The following PCDHA4 variants were observed in gnomAD, a reference collection of about 807,000 sequenced individuals.
PCDHA4 encodes protocadherin alpha 4.
PCDHA4 carries 49 observed loss-of-function variants against 61.4 expected under a neutral mutation model. The ratio of observed to expected loss-of-function variants is 0.80; its 90% CI spans 0.63 to 1.01. The LOEUF is 1.01. Among genes scored for constraint, PCDHA4 ranks in the 50% least tolerant of loss-of-function variants. PCDHA4 has a pLI of 0.00. For missense variants in PCDHA4, 1,254 were observed against 1,235.8 expected, an observed-to-expected ratio of 1.01 and a Z score of -0.22; for synonymous variants, 590 against 550.3, an observed-to-expected ratio of 1.07 and a Z score of -1.01.
chr5:140,924,704 G>A (rs6883852), intron 1 of PCDHA4, among the ~76,000 whole-genome samples: 1 of 152,052 alleles, frequency 6.6e-6, no homozygotes, highest in Non-Finnish European at 1.5e-5. Flanking sequence ...AGACCAGCTT[G>A]TGCAACATGG....
chr5:140,869,522 T>A, intron 1 of PCDHA4: 1 of 1,614,172 alleles, frequency 6.2e-7, no homozygotes, highest in Non-Finnish European at 8.5e-7. Context: ...GAACAAAAGC[T>A]GCTGATTGCG....
intron 1 of PCDHA4, among the ~76,000 whole-genome samples, chr5:140,960,004 A>C (rs2095521827): frequency 6.6e-6 from 1 of 152,216 alleles, no homozygotes; most frequent in Non-Finnish European, 1.5e-5. Context: ...ATACAAATCT[A>C]TTTTGCATCA....
At chr5:140,998,881 T>C (rs892142070) in intron 3 of PCDHA4, among the ~76,000 whole-genome samples, 13 of 152,224 alleles carry the variant, frequency 8.5e-5, no homozygotes, top group Admixed American at 2.6e-4. Flanking sequence ...ATAAGTTTAG[T>C]TGAATAAATA....
chr5:140,836,758 G>A (rs2150269396), intron 1 of PCDHA4: 3 of 1,572,392 alleles, frequency 1.9e-6, no homozygotes, highest in African/African-American at 2.7e-5. Context: ...AAATAATCTT[G>A]TTTCCAACAA....
intron 1 of PCDHA4, chr5:140,835,523 A>C: frequency 6.2e-7 from 1 of 1,613,916 alleles, no homozygotes; most frequent in Non-Finnish European, 8.5e-7. Context: ...GAGATTTTGG[A>C]GTCAACGGAC....
chr5:140,841,405 C>T (rs2150314710), intron 1 of PCDHA4: 41 of 1,612,992 alleles, frequency 2.5e-5, no homozygotes, highest in Non-Finnish European at 3.4e-5. Flanking sequence ...AGGTGGGGAG[C>T]GGCCAGCTCC....
chr5:140,877,112 G>T (rs782384853), intron 1 of PCDHA4: 18 of 1,613,552 alleles, frequency 1.1e-5, no homozygotes, highest in African/African-American at 4.0e-5. Context: ...CCTCTGGGCA[G>T]CAACGTGACG....
At chr5:140,863,799 G>A (rs1246230954) in intron 1 of PCDHA4, 10 of 212,460 alleles carry the variant, frequency 4.7e-5, no homozygotes, top group Non-Finnish European at 8.6e-5. Context: ...AGGAGTTTGA[G>A]ACCAGCCTGG....
intron 1 of PCDHA4, among the ~76,000 whole-genome samples, chr5:140,976,851 T>C (rs1402328541): frequency 6.6e-6 from 1 of 152,206 alleles, no homozygotes; most frequent in African/African-American, 2.4e-5. Context: ...ATCCCTTTCA[T>C]AGAGTTTACT....
intron 1 of PCDHA4, among the ~76,000 whole-genome samples, chr5:140,916,423 G>A (rs915446945): frequency 6.6e-6 from 1 of 152,174 alleles, no homozygotes; most frequent in Non-Finnish European, 1.5e-5. Context: ...GCACATCTCA[G>A]AACCTAAGGC....
intron 1 of PCDHA4, chr5:140,856,747 T>C (rs2044175443): frequency 2.5e-6 from 4 of 1,596,640 alleles, no homozygotes; most frequent in Non-Finnish European, 3.4e-6. Context: ...TGGTGTTAGA[T>C]GCCAATGATA....
rs2041307506 is a variant in PCDHA4 at position 140,850,030 on chromosome 5, C to A, written c.2385+40458C>A. 3.8e-6 allele frequency: 6 copies of A among 1,596,712 alleles called. 2 individuals carry two copies. The highest frequency in any genetic ancestry group is 5.1e-6 in the Non-Finnish European group (6 of 1,167,808). On this transcript the variant is annotated intron_variant, in intron 1 of 3. Coordinates refer to ENST00000530339, the MANE Select transcript of PCDHA4 (RefSeq NM_018907.4). ...CTGTCGAGCTACGTGTCAGTGCACG[C>A]GGAGAGCGGCAAGGTGTACGCGCTG...
At chr5:140,892,086 C>T (rs965682257) in intron 1 of PCDHA4, among the ~76,000 whole-genome samples, 1 of 152,156 alleles carries the variant, frequency 6.6e-6, no homozygotes, top group Non-Finnish European at 1.5e-5. Context: ...CTAGTTTCCT[C>T]TCGAAACTTT....
At chr5:140,843,527 A>C (rs2150362053) in intron 1 of PCDHA4, 2 of 1,595,944 alleles carry the variant, frequency 1.3e-6, no homozygotes, top group Non-Finnish European at 1.7e-6. Context: ...CCGGGCGGGC[A>C]AGCCCACTCT....
intron 1 of PCDHA4, among the ~76,000 whole-genome samples, chr5:140,872,998 G>C (rs2054022914): frequency 6.6e-6 from 1 of 152,060 alleles, no homozygotes; most frequent in African/African-American, 2.4e-5. Flanking sequence ...TTACTTCTGA[G>C]TCATTCTTCA....
intron 3 of PCDHA4, among the ~76,000 whole-genome samples, chr5:140,994,222 CTA>C (rs1219184690): frequency 6.6e-6 from 1 of 152,168 alleles, no homozygotes; most frequent in Non-Finnish European, 1.5e-5. Context: ...CAGGGTCTGT[CTA>C]TGTTATAATC....
At chr5:140,824,449 A>G in intron 1 of PCDHA4, 1 of 452,608 alleles carries the variant, frequency 2.2e-6, no homozygotes, top group South Asian at 3.3e-5. Flanking sequence ...TTATGACTAC[A>G]TGAAAATTTA....
At chr5:140,821,339 G>T (rs1554128068) in intron 1 of PCDHA4, among the ~76,000 whole-genome samples, 1 of 152,082 alleles carries the variant, frequency 6.6e-6, no homozygotes, top group African/African-American at 2.4e-5. Flanking sequence ...AAGGATTGGG[G>T]TTTCATGACT....
chr5:140,835,368 C>T, intron 1 of PCDHA4: 2 of 1,613,924 alleles, frequency 1.2e-6, no homozygotes, highest in Non-Finnish European at 1.7e-6. Context: ...AGGCTTCCCA[C>T]CCCTGGCTGG....
Sources: gnomAD v4.1 joint callset for allele counts (sites outside exome capture counted in the v4.1 genomes callset) on GRCh38, gnomAD v4.1.1 for gene constraint, MANE v1.5 for transcripts, NCBI Gene and HGNC (gene_info 2026-07-23, HGNC 2026-07-21) for gene names.